The following DNTT variants were observed in gnomAD, a reference collection of about 807,000 sequenced individuals.
The protein encoded by DNTT is nucleosidetriphosphate:DNA deoxynucleotidylexotransferase.
DNTT carries 47 observed loss-of-function variants against 60.9 expected under a neutral mutation model. The observed-to-expected ratio is 0.77, with a 90% confidence interval of 0.61 to 0.98. The LOEUF (loss-of-function observed/expected upper bound fraction) is 0.98. DNTT is among the 50% of genes least tolerant of loss of function. The pLI, the probability that DNTT is intolerant of heterozygous loss-of-function variation, is 0.00. For synonymous variants in DNTT, 224 were observed against 221.2 expected (o/e 1.01, Z -0.11); for missense variants, 665 against 627.5 (o/e 1.06, Z -0.64).
chr10:96,304,649 T>G lies in DNTT; in HGVS notation c.152T>G (p.Phe51Cys), dbSNP rs776333383. The G allele has an allele frequency of 6.2e-7, 1 of 1,614,128 alleles. No individual in the cohort carries two copies. The highest frequency in any genetic ancestry group is 1.7e-5 in the Admixed American group (1 of 60,028). ...EKKMGTTRRAFLMELARRKGF... is the reference protein window; with the variant it reads ...EKKMGTTRRACLMELARRKGF... ...AAAATGGGAACCACCCGCAGAGCGT[T>G]CCTCATGGAGCTGGCCCGCAGGAAA... Residue 51 changes from phenylalanine (F) to cysteine (C), a missense_variant, in exon 1 of 11, where the codon TTC becomes TGC. By Grantham distance (205) the Phe-to-Cys change is radical. Transcript: ENST00000371174.
intron 6 of DNTT, among the ~76,000 whole-genome samples, chr10:96,324,791 G>A (rs577930952): frequency 6.6e-6 from 1 of 152,334 alleles, no homozygotes; most frequent in Non-Finnish European, 1.5e-5. Context: ...TTGGGTCCTG[G>A]CTGTCTCCCT....
intron 1 of DNTT, among the ~76,000 whole-genome samples, chr10:96,313,582 C>T (rs999513230): frequency 6.6e-6 from 1 of 152,210 alleles, no homozygotes; most frequent in Non-Finnish European, 1.5e-5. Flanking sequence ...GCTTGGTTTT[C>T]TCCTCTGTGA....
chr10:96,316,105 A>G (rs1844782341), intron 1 of DNTT, among the ~76,000 whole-genome samples: 1 of 152,194 alleles, frequency 6.6e-6, no homozygotes, highest in Non-Finnish European at 1.5e-5. Flanking sequence ...CAAATGCGGC[A>G]TGCCTGAAAT....
intron 1 of DNTT, among the ~76,000 whole-genome samples, chr10:96,310,546 A>T (rs901007312): frequency 6.6e-6 from 1 of 152,124 alleles, no homozygotes; most frequent in Non-Finnish European, 1.5e-5. Flanking sequence ...TCTGCTTCCC[A>T]GACCTTAGAC....
intron 3 of DNTT, among the ~76,000 whole-genome samples, chr10:96,320,096 G>A (rs1459374347): frequency 1.3e-5 from 2 of 152,212 alleles, no homozygotes; most frequent in East Asian, 1.9e-4. Context: ...TGGATATGCT[G>A]AGCATGAGAT....
chr10:96,323,440 C>T (rs748570353), intron 5 of DNTT, among the ~76,000 whole-genome samples: 1 of 152,104 alleles, frequency 6.6e-6, no homozygotes, highest in African/African-American at 2.4e-5. Flanking sequence ...CCGTCCATAG[C>T]TTTGGTCTAG....
At chr10:96,322,084 C>T (rs7074656) in intron 4 of DNTT, among the ~76,000 whole-genome samples, 3,114 of 152,142 alleles carry the variant, frequency 0.02, 98 homozygotes, top group African/African-American at 0.064. Flanking sequence ...CCAGGGAGAG[C>T]GCCAGAGGTT....
chr10:96,326,287 C>T (rs1010347277), intron 6 of DNTT, among the ~76,000 whole-genome samples: 2 of 151,174 alleles, frequency 1.3e-5, no homozygotes, highest in African/African-American at 4.9e-5. Context: ...ACAAAAATGG[C>T]CATGTTGCAA....
Position 96,324,999 on chromosome 10 carries a change from G to A in DNTT, c.874+610G>A, listed in dbSNP as rs147407674. 5.5e-3 allele frequency among the ~76,000 whole-genome samples: 838 copies of A among 152,294 alleles called. 9 individuals are homozygous for A. Among genetic ancestry groups the A allele is most frequent in the Non-Finnish European group, 7.4e-3 (506 of 68,028 alleles). On this transcript the variant is annotated intron_variant, in intron 6 of 10. Transcript: ENST00000371174. The stretch of plus-strand genomic sequence containing the variant: ...CTCTTTCGCCTAAGACAAGACCGTG[G>A]TGGGACATGAGTGCTGTCATCACCC...
rs1564871865 is a variant in DNTT, at chr10:96,320,671, CTG to C, written c.566_567del (p.Val189AspfsTer41). 1 of 1,613,892 alleles carries C rather than the reference CTG, an allele frequency of 6.2e-7. No individual in the cohort carries two copies. Among genetic ancestry groups the C allele is most frequent in the South Asian group, 1.1e-5 (1 of 91,062 alleles). ...GTGAGTTTAGAGAAAATGAAGACTC[CTG>C]TGTGACATTTATGAGAGCAGCTTCT... is the stretch of plus-strand genomic sequence containing the variant. Reference protein sequence around the residue: ...NCEFRENEDSCVTFMRAASVL... With the variant: ...NCEFRENEDSXVTFMRAASVL... On this transcript the variant is annotated frameshift_variant, in exon 4 of 11. Transcript: ENST00000371174. LOFTEE classifies it high-confidence loss of function.
chr10:96,328,683 A>G, intron 7 of DNTT, 42 bp from the exon 8 acceptor site: 1 of 1,582,542 alleles, frequency 6.3e-7, no homozygotes. Flanking sequence ...ATGAAGACTA[A>G]TATCTAATTG....
chr10:96,332,651 G>A (rs1021885205), intron 9 of DNTT, 55 bp downstream of exon 9: 11 of 1,587,974 alleles, frequency 6.9e-6, no homozygotes, highest in African/African-American at 4.0e-5. Context: ...GACGTAGGCC[G>A]AGTCTACCTG....
chr10:96,329,503 T>C (rs990264325), intron 8 of DNTT, among the ~76,000 whole-genome samples: 1 of 152,244 alleles, frequency 6.6e-6, no homozygotes, highest in Non-Finnish European at 1.5e-5. Context: ...TTGGGACCTG[T>C]AGATAGGTCT....
Position 96,309,763 on chromosome 10 carries a change from C to G in DNTT, c.203+5063C>G, listed in dbSNP as rs12268870. 8.9e-3 allele frequency among the ~76,000 whole-genome samples: 1,354 copies of G among 152,248 alleles called. 22 individuals carry two copies. The highest frequency in any genetic ancestry group is 0.024 in the Middle Eastern group (7 of 294). On this transcript the variant is annotated intron_variant, in intron 1 of 10. Transcript: ENST00000371174. ...GTTAAGGCCATGTCCCTAGGATGGC[C>G]CCCTTTAAAATGCCTGCCTGAGAAA...
intron 8 of DNTT, among the ~76,000 whole-genome samples, chr10:96,329,439 C>A (rs1844979107): frequency 6.6e-6 from 1 of 152,202 alleles, no homozygotes. Context: ...GCCCTGACTC[C>A]TGTCCAACTC....
At chr10:96,312,486 A>G (rs74153632) in intron 1 of DNTT, among the ~76,000 whole-genome samples, 1,757 of 152,166 alleles carry the variant, frequency 0.012, 35 homozygotes, top group African/African-American at 0.04. Context: ...CCCAGTCCCT[A>G]GTTGCACTGA....
intron 1 of DNTT, among the ~76,000 whole-genome samples, chr10:96,318,020 G>T (rs923498075): frequency 1.3e-5 from 2 of 152,200 alleles, no homozygotes; most frequent in African/African-American, 4.8e-5. Flanking sequence ...AAATGGAGCA[G>T]CATGCCAAAA....
intron 1 of DNTT, among the ~76,000 whole-genome samples, chr10:96,307,777 A>ATATATATATAT (rs768634575): frequency 3.4e-4 from 43 of 126,032 alleles, no homozygotes; most frequent in African/African-American, 1.3e-3. Context: ...ATATATATAT[A>ATATATATATAT]TTTTTTTTTT....
chr10:96,322,072 C>T (rs1274746668), intron 4 of DNTT, among the ~76,000 whole-genome samples: 1 of 152,138 alleles, frequency 6.6e-6, no homozygotes, highest in Non-Finnish European at 1.5e-5. Context: ...TTCTACACCT[C>T]TCCAGGGAGA....
Sources: allele counts gnomAD v4.1 joint callset (sites outside exome capture counted in the v4.1 genomes callset), GRCh38; gene constraint gnomAD v4.1.1; transcripts MANE v1.5; gene names NCBI Gene and HGNC (gene_info 2026-07-23, HGNC 2026-07-21).